The following CCDC148 variants were observed in gnomAD, a reference collection of about 807,000 sequenced individuals.
CCDC148 encodes coiled-coil domain containing 148.
A neutral mutation model predicts 85.7 loss-of-function variants in CCDC148; 89 were observed. The ratio of observed to expected loss-of-function variants is 1.04; its 90% CI spans 0.87 to 1.24. CCDC148 has a LOEUF of 1.24. Ranked by LOEUF, CCDC148 falls within the 50% of genes most tolerant of loss-of-function variation. CCDC148 has a pLI of 0.00. For missense variants in CCDC148, 692 were observed against 671.7 expected (o/e 1.03, Z -0.33); for synonymous variants, 230 against 213.9 (o/e 1.08, Z -0.66).
At chr2:158,259,079 A>G (rs1317005498) in intron 9 of CCDC148, among the ~76,000 whole-genome samples, 3 of 151,642 alleles carry the variant, frequency 2.0e-5, no homozygotes, top group Admixed American at 2.0e-4. Flanking sequence ...TAGATATTGC[A>G]CATGCCATTT....
intron 7 of CCDC148, among the ~76,000 whole-genome samples, chr2:158,318,800 C>T (rs1338654359): frequency 2.6e-5 from 4 of 151,620 alleles, no homozygotes; most frequent in Admixed American, 1.3e-4. Context: ...GACAGGGTCT[C>T]GCTGTGTCAC....
intron 9 of CCDC148, among the ~76,000 whole-genome samples, chr2:158,267,051 A>G (rs1458039607): frequency 6.6e-6 from 1 of 151,932 alleles, no homozygotes; most frequent in Non-Finnish European, 1.5e-5. Flanking sequence ...ATGAAGCCCT[A>G]GCTTAATATT....
intron 9 of CCDC148, among the ~76,000 whole-genome samples, chr2:158,307,781 A>G (rs114539738): frequency 6.6e-6 from 1 of 152,358 alleles, no homozygotes; most frequent in African/African-American, 2.4e-5. Context: ...ACAAAGGACT[A>G]TATACTGTAT....
At chr2:158,372,597 T>G (rs749899278) in intron 1 of CCDC148, among the ~76,000 whole-genome samples, 1 of 152,000 alleles carries the variant, frequency 6.6e-6, no homozygotes, top group African/African-American at 2.4e-5. Flanking sequence ...TTCCCCTTGG[T>G]CCCTTTTACG....
intron 9 of CCDC148, among the ~76,000 whole-genome samples, chr2:158,254,760 AGG>A (rs955318515): frequency 6.6e-6 from 1 of 151,560 alleles, no homozygotes; most frequent in African/African-American, 2.4e-5. Context: ...TTTAAAACTA[AGG>A]GGAATCGTCA....
In CCDC148 at chr2:158,185,405, C is replaced by T. The variant is rs150068724; in HGVS notation, c.1371-6409G>A. On this transcript the variant is annotated intron_variant, in intron 11 of 13. Coordinates refer to ENST00000283233, the MANE Select transcript of CCDC148 (RefSeq NM_138803.4). ...AAAGGAAGAGGAAATAACTCGAAGG[C>T]GTCTCAGCCTTTAAATAGAGATATG... Among the ~76,000 whole-genome samples the T allele has an allele frequency of 4.6e-5, 7 of 152,248 alleles. No homozygotes were observed. The East Asian group carries it at 9.7e-4, about 21-fold the overall frequency.
At chr2:158,327,280 C>T (rs570761769) in intron 7 of CCDC148, among the ~76,000 whole-genome samples, 14 of 152,142 alleles carry the variant, frequency 9.2e-5, no homozygotes, top group Non-Finnish European at 1.8e-4. Flanking sequence ...ATATAAAATA[C>T]CTGTTTTCTC....
intron 1 of CCDC148, among the ~76,000 whole-genome samples, chr2:158,396,559 T>C (rs1321893028): frequency 6.6e-6 from 1 of 152,068 alleles, no homozygotes. Flanking sequence ...AACAGTGTAC[T>C]CAGGTTCTGA....
chr2:158,203,785 G>A (rs939972250), intron 11 of CCDC148, among the ~76,000 whole-genome samples: 6 of 152,132 alleles, frequency 3.9e-5, no homozygotes, highest in African/African-American at 2.4e-5. Flanking sequence ...CAGGAGATGC[G>A]TATGTACCTA....
intron 9 of CCDC148, among the ~76,000 whole-genome samples, chr2:158,280,282 G>A (rs998454602): frequency 1.3e-5 from 2 of 152,100 alleles, no homozygotes; most frequent in South Asian, 2.1e-4. Flanking sequence ...AACAATATTA[G>A]CTTTAAATGT....
At chr2:158,344,986 CAGA>C (rs1350392723) in intron 3 of CCDC148, among the ~76,000 whole-genome samples, 1 of 152,008 alleles carries the variant, frequency 6.6e-6, no homozygotes, top group African/African-American at 2.4e-5. Flanking sequence ...TTGACACATA[CAGA>C]AGATCATCTT....
intron 2 of CCDC148, among the ~76,000 whole-genome samples, chr2:158,351,402 G>A (rs1683273516): frequency 6.6e-6 from 1 of 152,192 alleles, no homozygotes; most frequent in Admixed American, 6.5e-5. Context: ...CCGAAGCAGG[G>A]CGAGGCACTG....
intron 1 of CCDC148, among the ~76,000 whole-genome samples, chr2:158,406,613 C>CTTTTTTTTTTTTTTTTTTTTT (rs61612452): frequency 3.2e-5 from 1 of 31,454 alleles, no homozygotes; most frequent in African/African-American, 9.8e-5. Context: ...GATTAAATTT[C>CTTTTTTTTTTTTTTTTTTTTT]TTTTTTTTTT....
intron 9 of CCDC148, among the ~76,000 whole-genome samples, chr2:158,300,479 G>C (rs2105198620): frequency 2.0e-5 from 3 of 152,318 alleles, no homozygotes; most frequent in Middle Eastern, 3.4e-3. Context: ...AACAAAGAGT[G>C]TATTGACTCT....
chr2:158,276,438 C>T (rs1259595516), intron 9 of CCDC148, among the ~76,000 whole-genome samples: 1 of 151,794 alleles, frequency 6.6e-6, no homozygotes, highest in Non-Finnish European at 1.5e-5. Context: ...GGTCTCAAAA[C>T]AAAAACAAAA....
At chr2:158,443,515 A>AAAGAAAAGAAAAGAAAAG (rs1553524476) in intron 1 of CCDC148, among the ~76,000 whole-genome samples, 1 of 100,896 alleles carries the variant, frequency 9.9e-6, no homozygotes, top group African/African-American at 3.5e-5. Flanking sequence ...AAAAAAAAAA[A>AAAGAAAAGAAAAGAAAAG]AAAAAAAAGA....
In CCDC148 at chr2:158,259,366, T is replaced by G. The variant is rs111776554; in HGVS notation, c.1111-8454A>C. Among the ~76,000 whole-genome samples the G allele has an allele frequency of 2.9e-3, 435 of 152,042 alleles. 2 individuals are homozygous for G. The highest frequency in any genetic ancestry group is 9.7e-3 in the African/African-American group (404 of 41,530). On this transcript the variant is annotated intron_variant, in intron 9 of 13. Transcript: ENST00000283233. ...TCTCCATGAGAACAGGGACCATAAC[T>G]GATTGACTAATCAATGTACCTCCAG... is the stretch of plus-strand genomic sequence containing the variant.
Position 158,338,772 on chromosome 2 carries a change from G to A in CCDC148, c.718C>T (p.Gln240Ter). Residue 240 changes from glutamine to a stop codon, truncating the protein, a stop_gained, in exon 7 of 14, where the codon CAG becomes TAG. Transcript: ENST00000283233. LOFTEE classifies it high-confidence loss of function. ...SEFYKFTQKY[Q>*]KKLQDFNLQL... ...AGATTAAAGTCTTGAAGCTTCTTCT[G>A]ATATTTCTGTGTAAACTTATAGAAC... is the stretch of plus-strand genomic sequence containing the variant. 1 of 1,610,474 alleles carries A rather than the reference G, an allele frequency of 6.2e-7. No homozygotes were observed. The highest frequency in any genetic ancestry group is 2.2e-5 in the East Asian group (1 of 44,776).
At chr2:158,409,918 T>C (rs1686188067) in intron 1 of CCDC148, among the ~76,000 whole-genome samples, 1 of 152,174 alleles carries the variant, frequency 6.6e-6, no homozygotes, top group South Asian at 2.1e-4. Context: ...TCTCACAAGA[T>C]CTGATGGTTT....
Sources: gnomAD v4.1 joint callset for allele counts (sites outside exome capture counted in the v4.1 genomes callset) on GRCh38, gnomAD v4.1.1 for gene constraint, MANE v1.5 for transcripts, NCBI Gene and HGNC (gene_info 2026-07-23, HGNC 2026-07-21) for gene names.